Variants in NRG1 observed in about 807,000 individuals in gnomAD.
The protein encoded by NRG1 is neuregulin 1.
Under a neutral mutation model 63.8 loss-of-function variants are expected in NRG1, and 18 were observed. That is an observed-to-expected ratio of 0.28 (90% confidence interval 0.19 to 0.42). The LOEUF is 0.42. Ranked by LOEUF, NRG1 falls within the 10% of genes least tolerant of loss-of-function variation. The pLI is 1.00. For missense variants in NRG1, 762 were observed against 814.7 expected, an observed-to-expected ratio of 0.94 and a Z score of 0.79; for synonymous variants, 302 against 301.3, an observed-to-expected ratio of 1.00 and a Z score of -0.02.
chr8:32,766,918 G>T (rs55996818), exon 12 of NRG1: 4 of 152,156 alleles, frequency 2.6e-5, no homozygotes, highest in Non-Finnish European at 5.9e-5. Context: ...AATAAATTCC[G>T]ACAGTGCAGT....
chr8:32,355,459 C>CA (rs1271933414), intron 1 of NRG1, among the ~76,000 whole-genome samples: 26 of 151,652 alleles, frequency 1.7e-4, no homozygotes, highest in Non-Finnish European at 1.0e-4. Flanking sequence ...ACTCCCGTCT[C>CA]AAAAAAACAA....
intron 1 of NRG1, among the ~76,000 whole-genome samples, chr8:31,800,396 AT>A (rs1474692030): frequency 6.6e-6 from 1 of 152,150 alleles, no homozygotes; most frequent in Non-Finnish European, 1.5e-5. Flanking sequence ...CTTTGGAATC[AT>A]TTTCAGCCAC....
At chr8:32,577,047 C>G (rs1047965016) in intron 1 of NRG1, among the ~76,000 whole-genome samples, 1 of 152,092 alleles carries the variant, frequency 6.6e-6, no homozygotes, top group African/African-American at 2.4e-5. Flanking sequence ...TGTTTAGCTC[C>G]TACTTATAAG....
At chr8:32,617,078 C>T (rs1229665399) in intron 5 of NRG1, among the ~76,000 whole-genome samples, 193 bp downstream of exon 5, 2 of 152,060 alleles carry the variant, frequency 1.3e-5, no homozygotes, top group Non-Finnish European at 2.9e-5. Flanking sequence ...CCTGTCCTCC[C>T]AATATACATA....
chr8:32,667,179 T>C (rs765828974), intron 5 of NRG1, among the ~76,000 whole-genome samples: 2 of 152,178 alleles, frequency 1.3e-5, no homozygotes, highest in African/African-American at 2.4e-5. Flanking sequence ...CTAAGTAGTA[T>C]AGGCAATTGT....
In NRG1 at chr8:32,446,298, C is replaced by T. The variant is rs143685722; in HGVS notation, c.38-149530C>T. ...GAGTGATTTACTTCTTTTTTCATTA[C>T]GCTTGTGGATTTGCATAGATTCAGA... On this transcript the variant is annotated intron_variant, in intron 1 of 10. Transcript: ENST00000519301. Among the ~76,000 whole-genome samples, 28 of 152,160 alleles carry T rather than the reference C, an allele frequency of 1.8e-4. No individual in the cohort carries two copies. The East Asian group carries it at 2.3e-3, about 13-fold the overall frequency.
chr8:32,497,647 T>C (rs975039181), intron 1 of NRG1, among the ~76,000 whole-genome samples: 1 of 152,136 alleles, frequency 6.6e-6, no homozygotes, highest in African/African-American at 2.4e-5. Context: ...ACATCAAAGC[T>C]GCCACTGTGC....
chr8:32,221,585 C>T (rs1383965), intron 1 of NRG1, among the ~76,000 whole-genome samples: 112,716 of 152,094 alleles, frequency 0.74, 42,872 homozygotes, highest in African/African-American at 0.9. Flanking sequence ...GTCATATTAT[C>T]TCTAGGCAGT....
chr8:32,061,191 G>A (rs1823794766), intron 1 of NRG1, among the ~76,000 whole-genome samples: 1 of 151,816 alleles, frequency 6.6e-6, no homozygotes, highest in Non-Finnish European at 1.5e-5. Context: ...TACATACCTA[G>A]AGCATCACAA....
intron 1 of NRG1, 113 bp from the exon 2 acceptor site, chr8:32,595,715 T>C: frequency 1.1e-6 from 1 of 919,974 alleles, no homozygotes; most frequent in Non-Finnish European, 1.5e-6. Context: ...TTTCTCTCTG[T>C]TAATAAAACC....
chr8:32,267,647 A>T (rs1180082824), intron 1 of NRG1, among the ~76,000 whole-genome samples: 1 of 152,202 alleles, frequency 6.6e-6, no homozygotes, highest in East Asian at 1.9e-4. Context: ...TGTTGGACAG[A>T]ATTACATCAG....
At chr8:31,688,104 G>C (rs1036924538) in intron 1 of NRG1, among the ~76,000 whole-genome samples, 1 of 152,184 alleles carries the variant, frequency 6.6e-6, no homozygotes, top group Non-Finnish European at 1.5e-5. Flanking sequence ...TTATAAAAGT[G>C]GTACAATTAG....
chr8:32,048,767 T>G (rs1821504813), intron 1 of NRG1, among the ~76,000 whole-genome samples: 1 of 151,974 alleles, frequency 6.6e-6, no homozygotes, highest in South Asian at 2.1e-4. Flanking sequence ...TGTATGTCTT[T>G]TTTTGAGAAG....
At chr8:32,086,985 T>G (rs1828316021) in intron 1 of NRG1, among the ~76,000 whole-genome samples, 1 of 152,214 alleles carries the variant, frequency 6.6e-6, no homozygotes, top group Non-Finnish European at 1.5e-5. Context: ...ATAGAAGATC[T>G]TAGCATCTGA....
At chr8:32,544,728 GC>G (rs955370846), upstream of NRG1, among the ~76,000 whole-genome samples, 6 of 91,962 alleles carry the variant, frequency 6.5e-5, no homozygotes, top group African/African-American at 2.5e-4. Flanking sequence ...TCCTCATGTT[GC>G]CCAGGCTGGT....
chr8:32,012,816 CA>C (rs1563679102), intron 1 of NRG1, among the ~76,000 whole-genome samples: 1 of 152,078 alleles, frequency 6.6e-6, no homozygotes, highest in Non-Finnish European at 1.5e-5. Context: ...ATTATTATTA[CA>C]TAACAGAGAT....
intron 1 of NRG1, among the ~76,000 whole-genome samples, chr8:32,154,555 C>T (rs1837853158): frequency 1.3e-5 from 2 of 152,160 alleles, no homozygotes; most frequent in Middle Eastern, 3.4e-3. Context: ...TTCCTTCCTT[C>T]CTCTGCAAGG....
intron 1 of NRG1, among the ~76,000 whole-genome samples, chr8:32,509,064 T>C (rs1828870396): frequency 1.3e-5 from 2 of 149,192 alleles, no homozygotes; most frequent in African/African-American, 5.0e-5. Context: ...AATTGTTTCT[T>C]TTTTCTTTTC....
At chr8:31,937,200 T>G (rs1044029927) in intron 1 of NRG1, among the ~76,000 whole-genome samples, 4 of 152,138 alleles carry the variant, frequency 2.6e-5, no homozygotes, top group African/African-American at 2.4e-5. Flanking sequence ...ACATACCTTT[T>G]CTATTGGAAG....
Sources: gnomAD v4.1 joint callset for allele counts (sites outside exome capture counted in the v4.1 genomes callset) on GRCh38, gnomAD v4.1.1 for gene constraint, MANE v1.5 for transcripts, NCBI Gene and HGNC (gene_info 2026-07-23, HGNC 2026-07-21) for gene names.